The following NBEA variants were observed in gnomAD, a reference collection of about 807,000 sequenced individuals.
NBEA encodes neurobeachin, also known as lysosomal-trafficking regulator 2.
A neutral mutation model predicts 343.4 loss-of-function variants in NBEA; 44 were observed. The observed-to-expected ratio is 0.13, with a 90% CI of 0.10 to 0.16. NBEA has a LOEUF of 0.16. NBEA is among the 10% of genes least tolerant of loss of function. The pLI, the probability that NBEA is intolerant of heterozygous loss-of-function variation, is 1.00. For synonymous variants in NBEA, 1,175 were observed against 1,238.7 expected (o/e 0.95, Z 1.08); for missense variants, 2,555 against 3,631.3 (o/e 0.70, Z 7.62).
At chr13:34,963,287 T>C (rs1212501673) in intron 1 of NBEA, among the ~76,000 whole-genome samples, 1 of 152,032 alleles carries the variant, frequency 6.6e-6, no homozygotes, top group Non-Finnish European at 1.5e-5. Flanking sequence ...CTTTTCCCTT[T>C]GTCTTCATAT....
At chr13:35,536,833 A>G (rs982507496) in intron 41 of NBEA, among the ~76,000 whole-genome samples, 1 of 152,244 alleles carries the variant, frequency 6.6e-6, no homozygotes, top group Non-Finnish European at 1.5e-5. Context: ...CAACACTTCA[A>G]AAAATCAACA....
chr13:35,449,400 G>C (rs1261331098), intron 39 of NBEA, among the ~76,000 whole-genome samples: 1 of 152,188 alleles, frequency 6.6e-6, no homozygotes, highest in Non-Finnish European at 1.5e-5. Flanking sequence ...GAATTCCTAG[G>C]TTTCTGCTAA....
intron 6 of NBEA, 144 bp from the exon 7 acceptor site, chr13:35,055,866 A>G: frequency 2.0e-6 from 1 of 501,428 alleles, no homozygotes; most frequent in Non-Finnish European, 3.1e-6. Context: ...GAGAAATGAG[A>G]GGGGGAACTT....
chr13:35,006,156 C>T (rs1254087667), intron 1 of NBEA, among the ~76,000 whole-genome samples: 4 of 151,922 alleles, frequency 2.6e-5, no homozygotes, highest in African/African-American at 4.8e-5. Flanking sequence ...ACCATATTAC[C>T]AAGTAGCTTT....
intron 38 of NBEA, among the ~76,000 whole-genome samples, chr13:35,395,589 A>G (rs1367991235): frequency 6.6e-6 from 1 of 152,086 alleles, no homozygotes; most frequent in East Asian, 1.9e-4. Context: ...TACACATACC[A>G]TGTTCACTGG....
intron 38 of NBEA, among the ~76,000 whole-genome samples, chr13:35,365,285 ACT>A (rs1429818797): frequency 2.6e-5 from 4 of 151,714 alleles, no homozygotes; most frequent in South Asian, 2.1e-4. Context: ...ATGTAAAATA[ACT>A]CTCACAAATA....
chr13:35,021,335 A>G lies in NBEA; in HGVS notation c.295-19598A>G, dbSNP rs923273639. Among the ~76,000 whole-genome samples, 8 of 152,174 alleles carry G rather than the reference A, an allele frequency of 5.3e-5. No individual in the cohort carries two copies. In the East Asian group the frequency reaches 1.5e-3, roughly 29 times the overall value. On this transcript the variant is annotated intron_variant, in intron 1 of 58. Transcript: ENST00000379939. Reference sequence around the variant, plus strand: ...TAAAATTTTCAGTATGTGGCCTTGCAAGAAAAAGTTTGCTGACCCTCTGCA... The same window carrying G: ...TAAAATTTTCAGTATGTGGCCTTGCGAGAAAAAGTTTGCTGACCCTCTGCA...
At chr13:35,220,335 C>T (rs1187821761) in intron 33 of NBEA, among the ~76,000 whole-genome samples, 1 of 152,130 alleles carries the variant, frequency 6.6e-6, no homozygotes, top group Admixed American at 6.6e-5. Context: ...GTCTGACCTC[C>T]ACCTAGTATC....
intron 39 of NBEA, among the ~76,000 whole-genome samples, chr13:35,447,926 C>G (rs2046129538): frequency 2.6e-5 from 4 of 152,074 alleles, no homozygotes; most frequent in African/African-American, 9.7e-5. Flanking sequence ...AATGAGACAG[C>G]CCTTTGAGAC....
intron 44 of NBEA, among the ~76,000 whole-genome samples, chr13:35,562,263 C>T (rs1047128571): frequency 6.6e-6 from 1 of 151,942 alleles, no homozygotes; most frequent in Non-Finnish European, 1.5e-5. Context: ...CTTAATGATA[C>T]TTAGAGTTCT....
chr13:34,994,140 G>A (rs554106506), intron 1 of NBEA, among the ~76,000 whole-genome samples: 1 of 138,786 alleles, frequency 7.2e-6, no homozygotes, highest in Non-Finnish European at 1.5e-5. Flanking sequence ...AGAGGTTGCA[G>A]TGAGCCGAGG....
At chr13:35,666,942 T>A (rs576757952) in intron 56 of NBEA, among the ~76,000 whole-genome samples, 279 of 152,308 alleles carry the variant, frequency 1.8e-3, no homozygotes, top group African/African-American at 6.3e-3. Flanking sequence ...TTGACGGCAG[T>A]GTATTGATGT....
intron 17 of NBEA, among the ~76,000 whole-genome samples, chr13:35,124,176 T>C (rs2066945999): frequency 6.6e-6 from 1 of 151,560 alleles, no homozygotes. Context: ...TCCTTACAAA[T>C]GAAGCCAAGG....
chr13:35,431,479 C>A (rs2045105656), intron 38 of NBEA, among the ~76,000 whole-genome samples: 1 of 152,036 alleles, frequency 6.6e-6, no homozygotes, highest in African/African-American at 2.4e-5. Context: ...ATATAATGGG[C>A]TATTTCCATC....
At chr13:35,262,832 A>G (rs1359114873) in intron 34 of NBEA, among the ~76,000 whole-genome samples, 2 of 152,222 alleles carry the variant, frequency 1.3e-5, no homozygotes. Flanking sequence ...GAAAGACATT[A>G]AAGGCAGAAA....
chr13:35,142,495 T>A (rs2068143993), intron 18 of NBEA, 118 bp downstream of exon 18: 1 of 540,150 alleles, frequency 1.9e-6, no homozygotes, highest in Non-Finnish European at 3.1e-6. Context: ...AACCAGAAAA[T>A]GGTTTAATGG....
chr13:35,459,327 C>G (rs1208766685), intron 40 of NBEA, among the ~76,000 whole-genome samples: 1 of 152,100 alleles, frequency 6.6e-6, no homozygotes, highest in Non-Finnish European at 1.5e-5. Flanking sequence ...GAAAACAGGG[C>G]TGGTAGGTGG....
intron 34 of NBEA, among the ~76,000 whole-genome samples, chr13:35,247,865 T>C (rs1180330394): frequency 6.6e-6 from 1 of 152,088 alleles, no homozygotes; most frequent in East Asian, 1.9e-4. Context: ...TGAAAAACCT[T>C]TAGCTTGATT....
At chr13:35,119,905 A>C (rs2066702626) in intron 16 of NBEA, among the ~76,000 whole-genome samples, 1 of 152,144 alleles carries the variant, frequency 6.6e-6, no homozygotes, top group Non-Finnish European at 1.5e-5. Context: ...TTTTTACTCT[A>C]GAGTTTGAGC....
Sources: allele counts gnomAD v4.1 joint callset (sites outside exome capture counted in the v4.1 genomes callset), GRCh38; gene constraint gnomAD v4.1.1; transcripts MANE v1.5; gene names NCBI Gene and HGNC (gene_info 2026-07-23, HGNC 2026-07-21).